Variants in SLC35H1 observed in about 807,000 individuals in gnomAD.
SLC35H1 encodes ovarian cancer-overexpressed gene 1 protein.
chr20:46,361,248 A>G, the SLC35H1 span, among the ~76,000 whole-genome samples: 1 of 152,210 alleles, frequency 6.6e-6, no homozygotes, highest in South Asian at 2.1e-4. Context: ...CTACTCTCCT[A>G]GTTGCTCAGG....
chr20:46,350,932 A>AT, the SLC35H1 span: 2 of 1,610,182 alleles, frequency 1.2e-6, no homozygotes, highest in Non-Finnish European at 1.7e-6. Context: ...CAACAGGCAG[A>AT]TTTGGCTGCT....
the SLC35H1 span, chr20:46,350,652 G>C: frequency 1.3e-6 from 2 of 1,482,834 alleles, no homozygotes; most frequent in East Asian, 2.3e-5. Context: ...CATCTTCCTA[G>C]AGGAGTGACG....
the SLC35H1 span, chr20:46,363,053 A>G: frequency 2.0e-5 from 3 of 152,362 alleles, no homozygotes; most frequent in Non-Finnish European, 4.4e-5. Flanking sequence ...GGCGTGAGCC[A>G]CCGTGCCGGG....
the SLC35H1 span, chr20:46,358,340 TG>T: frequency 1.3e-6 from 2 of 1,546,438 alleles, no homozygotes; most frequent in Non-Finnish European, 1.8e-6. Context: ...GCCATGGCTC[TG>T]GCCACCTTCA....
At chr20:46,355,126 A>G in the SLC35H1 span, 2 of 1,614,114 alleles carry the variant, frequency 1.2e-6, no homozygotes, top group Non-Finnish European at 1.7e-6. This position sits in a 1 kb window ranked among gnomAD's most constrained non-coding sequence, Gnocchi z 4.8. Context: ...AATGCCACCG[A>G]TGAACGAGGC....
the SLC35H1 span, chr20:46,348,143 G>A: frequency 2.1e-5 from 3 of 140,958 alleles, no homozygotes; most frequent in Non-Finnish European, 4.5e-5. Flanking sequence ...ACGCTGTCTG[G>A]CCTGGGAGGC....
At chr20:46,356,472 G>C in the SLC35H1 span, 1 of 1,157,192 alleles carries the variant, frequency 8.6e-7, no homozygotes, top group Non-Finnish European at 1.3e-6. Context: ...TGGTCCCAGA[G>C]TGGTGGAGTG....
the SLC35H1 span, among the ~76,000 whole-genome samples, chr20:46,356,109 A>G: frequency 6.6e-6 from 1 of 152,164 alleles, no homozygotes. Flanking sequence ...TTCTTTACCT[A>G]ACCCTCGGCA....
At chr20:46,354,289 C>A in the SLC35H1 span, among the ~76,000 whole-genome samples, 1 of 152,188 alleles carries the variant, frequency 6.6e-6, no homozygotes, top group African/African-American at 2.4e-5. Flanking sequence ...ATGGCTGAAC[C>A]TCCTATTCCT....
At chr20:46,350,971 T>C in the SLC35H1 span, 2 of 1,554,518 alleles carry the variant, frequency 1.3e-6, no homozygotes, top group Non-Finnish European at 1.8e-6. Flanking sequence ...GTGGGGGCAC[T>C]AGGTACACTC....
chr20:46,352,495 G>T, the SLC35H1 span: 1 of 409,692 alleles, frequency 2.4e-6, no homozygotes, highest in Non-Finnish European at 4.4e-6. Flanking sequence ...GATCCTAGCG[G>T]GATGATGGGA....
At chr20:46,352,358 A>C in the SLC35H1 span, 1 of 792,844 alleles carries the variant, frequency 1.3e-6, no homozygotes, top group African/African-American at 1.7e-5. Context: ...TGCAGCCCAG[A>C]GAAAAAGCAT....
chr20:46,350,608 A>G, the SLC35H1 span: 1 of 1,472,910 alleles, frequency 6.8e-7, no homozygotes, highest in African/African-American at 1.4e-5. Flanking sequence ...TGAGTCACCC[A>G]GGCCCCACCC....
the SLC35H1 span, chr20:46,346,772 G>T: frequency 1.3e-5 from 2 of 151,940 alleles, no homozygotes; most frequent in African/African-American, 4.8e-5. Flanking sequence ...TGTAATCCCA[G>T]CTACTTGGGA....
At chr20:46,362,860 G>A in the SLC35H1 span, among the ~76,000 whole-genome samples, 2 of 152,324 alleles carry the variant, frequency 1.3e-5, no homozygotes, top group South Asian at 2.1e-4. Context: ...TCCGCCTCAC[G>A]GGTTCAAGTG....
chr20:46,357,040 T>G, the SLC35H1 span, among the ~76,000 whole-genome samples: 1 of 152,178 alleles, frequency 6.6e-6, no homozygotes, highest in Non-Finnish European at 1.5e-5. Context: ...TTTTTCCCAC[T>G]TCCTCTGGCC....
chr20:46,361,772 A>AC, the SLC35H1 span, among the ~76,000 whole-genome samples: 1 of 152,126 alleles, frequency 6.6e-6, no homozygotes, highest in African/African-American at 2.4e-5. Flanking sequence ...ACCACTGCTG[A>AC]CCCTGTCCTG....
At chr20:46,356,946 C>G in the SLC35H1 span, among the ~76,000 whole-genome samples, 1 of 152,210 alleles carries the variant, frequency 6.6e-6, no homozygotes, top group African/African-American at 2.4e-5. Context: ...ACTGGAAACC[C>G]TTTTCCCTCA....
At chr20:46,360,382 G>A in the SLC35H1 span, among the ~76,000 whole-genome samples, 76 of 152,286 alleles carry the variant, frequency 5.0e-4, no homozygotes, top group African/African-American at 1.7e-3. Flanking sequence ...GGCTGTGTCA[G>A]TCTGTGTCTG....
Sources: gnomAD v4.1 joint callset for allele counts (sites outside exome capture counted in the v4.1 genomes callset) on GRCh38, gnomAD v4.1.1 for gene constraint, Gnocchi (gnomAD v3.1) non-coding constraint, MANE v1.5 for transcripts, NCBI Gene and HGNC (gene_info 2026-07-23, HGNC 2026-07-21) for gene names.